The following SH3RF2 variants were observed in gnomAD, a reference collection of about 807,000 sequenced individuals.
SH3RF2 encodes the protein E3 ubiquitin-protein ligase SH3RF2.
A neutral mutation model predicts 59.0 loss-of-function variants in SH3RF2; 43 were observed. The observed-to-expected ratio is 0.73, with a 90% CI of 0.57 to 0.94. The LOEUF is 0.94. SH3RF2 is among the 40% of genes least tolerant of loss of function. The pLI, the probability that SH3RF2 is intolerant of heterozygous loss-of-function variation, is 0.00. For synonymous variants in SH3RF2, 391 were observed against 391.5 expected (o/e 1.00, Z 0.01); for missense variants, 930 against 940.1 (o/e 0.99, Z 0.14).
chr5:146,057,179 G>T (rs1183399227), intron 8 of SH3RF2, among the ~76,000 whole-genome samples: 2 of 152,140 alleles, frequency 1.3e-5, no homozygotes, highest in African/African-American at 4.8e-5. Context: ...GTAACGTGTG[G>T]GACAATATGC....
intron 3 of SH3RF2, among the ~76,000 whole-genome samples, chr5:146,001,862 C>T (rs1251246123): frequency 6.6e-6 from 1 of 152,200 alleles, no homozygotes; most frequent in Non-Finnish European, 1.5e-5. Context: ...TTCTGGAAGG[C>T]TGTGAAATAC....
At chr5:145,938,380 ATCT>A in intron 2 of SH3RF2, 74 bp downstream of exon 2, 1 of 1,458,158 alleles carries the variant, frequency 6.9e-7, no homozygotes, top group Non-Finnish European at 9.1e-7. Context: ...GCTAGAGATT[ATCT>A]TCTTTTAGTT....
At chr5:145,989,876 C>CT (rs1209516669) in intron 2 of SH3RF2, among the ~76,000 whole-genome samples, 5 of 152,170 alleles carry the variant, frequency 3.3e-5, no homozygotes, top group African/African-American at 9.7e-5. Context: ...CTGTTATCAG[C>CT]CTTTACCTCC....
intron 4 of SH3RF2, among the ~76,000 whole-genome samples, chr5:146,008,878 T>C (rs1476523589): frequency 6.6e-6 from 1 of 152,220 alleles, no homozygotes; most frequent in African/African-American, 2.4e-5. Flanking sequence ...AATGGAATCA[T>C]ACAGAATGTA....
chr5:146,007,864 C>A (rs956866826), intron 4 of SH3RF2, among the ~76,000 whole-genome samples: 2 of 152,130 alleles, frequency 1.3e-5, no homozygotes, highest in African/African-American at 4.8e-5. Context: ...CTAAATTGTG[C>A]TTTTTAAAGC....
intron 5 of SH3RF2, among the ~76,000 whole-genome samples, chr5:146,023,199 T>TTTTTTTC (rs967182541): frequency 3.9e-5 from 6 of 152,060 alleles, no homozygotes; most frequent in African/African-American, 7.2e-5. Flanking sequence ...CCATACATTC[T>TTTTTTTC]TTTTTTCTTT....
intron 5 of SH3RF2, among the ~76,000 whole-genome samples, chr5:146,017,661 T>A (rs1329488712): frequency 6.6e-6 from 1 of 152,118 alleles, no homozygotes; most frequent in Non-Finnish European, 1.5e-5. Flanking sequence ...CCTCACCTCC[T>A]ACATTCAGCT....
rs1306347194 is a variant in SH3RF2 at position 145,938,243 on chromosome 5, C to A, written c.315C>A (p.Asn105Lys). The change falls in exon 2 of 10, where the codon AAC becomes AAA. Residue 105 changes from asparagine to lysine, a missense_variant. Coordinates refer to ENST00000359120, the MANE Select transcript of SH3RF2 (RefSeq NM_152550.4). Reference protein sequence around the residue: ...TLQDGRKSRTNPRRLQASPFR... With the variant: ...TLQDGRKSRTKPRRLQASPFR... ...AGGATGGCAGGAAAAGCAGGACCAACCCCAGACGTCTGCAGGCCAGTCCTT... is the reference window on the plus strand; with the variant it reads ...AGGATGGCAGGAAAAGCAGGACCAAACCCAGACGTCTGCAGGCCAGTCCTT... 3 of 1,608,412 alleles carry A rather than the reference C, an allele frequency of 1.9e-6. No individual in the cohort carries two copies. The highest frequency in any genetic ancestry group is 1.3e-5 in the African/African-American group (1 of 75,058).
chr5:146,070,973 C>G (rs560133744), intron 9 of SH3RF2, among the ~76,000 whole-genome samples: 1 of 152,266 alleles, frequency 6.6e-6, no homozygotes, highest in African/African-American at 2.4e-5. Flanking sequence ...GCTAGCATGA[C>G]CGACCGACTT....
intron 5 of SH3RF2, among the ~76,000 whole-genome samples, chr5:146,046,419 C>T (rs1580913763): frequency 7.5e-6 from 1 of 132,520 alleles, no homozygotes; most frequent in Admixed American, 7.6e-5. Flanking sequence ...CCCACAAAAG[C>T]ATAGTCCTAA....
downstream of SH3RF2, among the ~76,000 whole-genome samples, chr5:146,066,706 G>A (rs890349334): frequency 6.6e-6 from 1 of 152,152 alleles, no homozygotes; most frequent in African/African-American, 2.4e-5. Context: ...CAGCATTTGG[G>A]TTTAAATGTA....
chr5:145,948,519 C>T (rs1030373675), intron 2 of SH3RF2, among the ~76,000 whole-genome samples: 1 of 152,306 alleles, frequency 6.6e-6, no homozygotes, highest in East Asian at 1.9e-4. Context: ...TCACTGTCAC[C>T]CTTTCCTGAA....
chr5:146,074,842 A>G (rs1349016203), intron 9 of SH3RF2, among the ~76,000 whole-genome samples: 1 of 150,898 alleles, frequency 6.6e-6, no homozygotes, highest in Non-Finnish European at 1.5e-5. Flanking sequence ...CTGGCACAGC[A>G]TTTCAAAGCC....
chr5:145,984,585 C>G (rs1015451313), intron 2 of SH3RF2, among the ~76,000 whole-genome samples: 1 of 152,216 alleles, frequency 6.6e-6, no homozygotes, highest in Non-Finnish European at 1.5e-5. Flanking sequence ...CATCAGTGAT[C>G]TTTCCCATTT....
At chr5:145,963,825 TTTTG>T (rs1758734883) in intron 2 of SH3RF2, among the ~76,000 whole-genome samples, 2 of 149,504 alleles carry the variant, frequency 1.3e-5, no homozygotes, top group African/African-American at 2.5e-5. Flanking sequence ...TTTCTTTCTT[TTTTG>T]TTTTTTTTTT....
intron 5 of SH3RF2, among the ~76,000 whole-genome samples, chr5:146,024,512 C>A (rs1181793184): frequency 1.3e-5 from 2 of 152,156 alleles, no homozygotes; most frequent in African/African-American, 4.8e-5. Flanking sequence ...TTTCATTCTG[C>A]GTGTTGCCTT....
chr5:145,956,751 T>C (rs1357797430), intron 2 of SH3RF2, among the ~76,000 whole-genome samples: 1 of 152,208 alleles, frequency 6.6e-6, no homozygotes, highest in Non-Finnish European at 1.5e-5. Flanking sequence ...TAGAGGTTTC[T>C]TCTGTAAAGA....
chr5:146,064,396 G>A (rs1305521902), downstream of SH3RF2, among the ~76,000 whole-genome samples: 1 of 151,814 alleles, frequency 6.6e-6, no homozygotes, highest in Non-Finnish European at 1.5e-5. Context: ...CAGGGTAGAG[G>A]AGGCATCCCA....
chr5:146,055,749 G>A lies in SH3RF2; in HGVS notation c.1323-232G>A, dbSNP rs1762640867. On this transcript the variant is annotated intron_variant, in intron 7 of 9. Coordinates refer to ENST00000359120, the MANE Select transcript of SH3RF2 (RefSeq NM_152550.4). Reference sequence around the variant, plus strand: ...TCTAGCTCCACCAAGGCCTTGATATGAGCCCCCCTTCCTTCCCTCAGCACA... The same window carrying A: ...TCTAGCTCCACCAAGGCCTTGATATAAGCCCCCCTTCCTTCCCTCAGCACA... 5.3e-6 allele frequency: 3 copies of A among 571,256 alleles called. No individual in the cohort carries two copies. In the East Asian group the frequency reaches 8.9e-5, roughly 17 times the overall value. 35.4% of individuals were successfully genotyped at this position (571,256 alleles called of 1,614,324 possible). A position where few individuals can be genotyped will look rare whatever the true frequency, so the allele number is the denominator to read the frequency against.
Sources: allele counts gnomAD v4.1 joint callset (sites outside exome capture counted in the v4.1 genomes callset), GRCh38; gene constraint gnomAD v4.1.1; transcripts MANE v1.5; gene names NCBI Gene and HGNC (gene_info 2026-07-23, HGNC 2026-07-21).